The following BLTP3B variants were observed in gnomAD, a reference collection of about 807,000 sequenced individuals.
BLTP3B encodes UHRF1 (ICBP90) binding protein 1-like.
At chr12:100,054,666 T>C in the BLTP3B span, among the ~76,000 whole-genome samples, 1,737 of 152,290 alleles carry the variant, frequency 0.011, 34 homozygotes, top group African/African-American at 0.04. Context: ...GTACCTCTTC[T>C]ACATTTAAGT....
At chr12:100,102,514 T>C in the BLTP3B span, among the ~76,000 whole-genome samples, 1 of 152,170 alleles carries the variant, frequency 6.6e-6, no homozygotes, top group East Asian at 1.9e-4. Context: ...ATGCCTAAAT[T>C]CTTCTGCTTC....
At chr12:100,098,167 G>A in the BLTP3B span, among the ~76,000 whole-genome samples, 18 of 152,154 alleles carry the variant, frequency 1.2e-4, no homozygotes, top group East Asian at 1.9e-4. Context: ...GCAGTGAGCC[G>A]TGATTGCGCC....
chr12:100,047,680 G>C, the BLTP3B span: 2 of 1,406,864 alleles, frequency 1.4e-6, no homozygotes, highest in Non-Finnish European at 2.0e-6. Context: ...ACTTCATTCG[G>C]TCATATTTTT....
At chr12:100,089,737 T>C in the BLTP3B span, among the ~76,000 whole-genome samples, 2 of 152,312 alleles carry the variant, frequency 1.3e-5, no homozygotes, top group South Asian at 4.1e-4. Context: ...ATTATATATA[T>C]TAAAAACAAA....
At chr12:100,064,904 A>G in the BLTP3B span, among the ~76,000 whole-genome samples, 2 of 152,072 alleles carry the variant, frequency 1.3e-5, no homozygotes, top group African/African-American at 4.8e-5. Context: ...ATTAAAAAAA[A>G]AAAACAAGGT....
At chr12:100,083,624 T>C in the BLTP3B span, among the ~76,000 whole-genome samples, 7 of 152,068 alleles carry the variant, frequency 4.6e-5, 1 homozygote, top group South Asian at 4.1e-4. Context: ...CTAATTACTC[T>C]GCTTTTAGTG....
At chr12:100,116,157 ATGAGAC>A in the BLTP3B span, among the ~76,000 whole-genome samples, 1 of 146,320 alleles carries the variant, frequency 6.8e-6, no homozygotes, top group African/African-American at 2.7e-5. Context: ...GGGTGACAGA[ATGAGAC>A]TGTCTCAAAA....
At chr12:100,125,159 C>T in the BLTP3B span, among the ~76,000 whole-genome samples, 2 of 149,242 alleles carry the variant, frequency 1.3e-5, no homozygotes, top group Admixed American at 6.7e-5. Flanking sequence ...TGGTGAAACC[C>T]CGTCTCTACT....
At chr12:100,121,685 C>T in the BLTP3B span, among the ~76,000 whole-genome samples, 7 of 152,036 alleles carry the variant, frequency 4.6e-5, no homozygotes, top group East Asian at 2.0e-4. Context: ...ACAAAATTAG[C>T]GGGCGTGGTG....
At chr12:100,045,820 G>A in the BLTP3B span, among the ~76,000 whole-genome samples, 1 of 152,088 alleles carries the variant, frequency 6.6e-6, no homozygotes, top group Non-Finnish European at 1.5e-5. Flanking sequence ...AATTTTTGCA[G>A]TCTACTCATC....
At chr12:100,049,339 C>T in the BLTP3B span, among the ~76,000 whole-genome samples, 1 of 152,146 alleles carries the variant, frequency 6.6e-6, no homozygotes, top group South Asian at 2.1e-4. Context: ...CATAAGAAGA[C>T]TGCTATATCA....
At chr12:100,057,815 G>T in the BLTP3B span, 1 of 1,434,428 alleles carries the variant, frequency 7.0e-7, no homozygotes, top group Non-Finnish European at 9.3e-7. Flanking sequence ...ATACTTCTAA[G>T]AGAATTAAAA....
the BLTP3B span, among the ~76,000 whole-genome samples, chr12:100,136,875 G>A: frequency 2.6e-5 from 4 of 151,464 alleles, no homozygotes; most frequent in Admixed American, 1.3e-4. Flanking sequence ...GCAATGGCCC[G>A]ATCTCAGCTC....
the BLTP3B span, among the ~76,000 whole-genome samples, chr12:100,132,883 G>C: frequency 1.3e-5 from 2 of 152,090 alleles, no homozygotes; most frequent in Non-Finnish European, 2.9e-5. Flanking sequence ...GAGAGGTGGA[G>C]GTTACAGTGA....
the BLTP3B span, among the ~76,000 whole-genome samples, chr12:100,038,628 G>A: frequency 4.6e-5 from 7 of 152,188 alleles, no homozygotes; most frequent in South Asian, 2.1e-4. Flanking sequence ...GAGCCACAGC[G>A]CCCTACAGAC....
At chr12:100,070,289 A>ATTT in the BLTP3B span, 2 of 1,121,972 alleles carry the variant, frequency 1.8e-6, no homozygotes, top group Admixed American at 3.7e-5. Flanking sequence ...TTAATTAATT[A>ATTT]ATTTTTTTTT....
At chr12:100,044,065 A>C in the BLTP3B span, among the ~76,000 whole-genome samples, 2 of 152,000 alleles carry the variant, frequency 1.3e-5, no homozygotes, top group Non-Finnish European at 2.9e-5. Context: ...AAGAGGGTGC[A>C]TTCTTTTCTG....
chr12:100,107,160 C>T, the BLTP3B span, among the ~76,000 whole-genome samples: 2 of 151,010 alleles, frequency 1.3e-5, no homozygotes, highest in Non-Finnish European at 2.9e-5. Flanking sequence ...TGGTGGCATG[C>T]GCCTATAATT....
the BLTP3B span, chr12:100,142,497 A>G: frequency 7.2e-7 from 1 of 1,392,628 alleles, no homozygotes; most frequent in Admixed American, 2.0e-5. Context: ...CCTCCCGCAC[A>G]GCCGCCAGGC....
Sources: gnomAD v4.1 joint callset for allele counts (sites outside exome capture counted in the v4.1 genomes callset) on GRCh38, gnomAD v4.1.1 for gene constraint, MANE v1.5 for transcripts, NCBI Gene and HGNC (gene_info 2026-07-23, HGNC 2026-07-21) for gene names.